The following LSM6 variants were observed in gnomAD, a reference collection of about 807,000 sequenced individuals.
The protein encoded by LSM6 is U6 snRNA-associated Sm-like protein LSm6.
LSM6 carries 2 observed loss-of-function variants against 13.5 expected under a neutral mutation model. That is an observed-to-expected ratio of 0.15 (90% confidence interval 0.06 to 0.47). The LOEUF (loss-of-function observed/expected upper bound fraction) is 0.47. Among genes scored for constraint, LSM6 ranks in the 20% least tolerant of loss-of-function variants. LSM6 has a pLI of 0.97. For missense variants in LSM6, 58 were observed against 96.4 expected (o/e 0.60, Z 1.67); for synonymous variants, 43 against 34.9 (o/e 1.23, Z -0.82).
At chr4:146,182,585 G>GTTA (rs1730254363) in intron 1 of LSM6, among the ~76,000 whole-genome samples, 1 of 152,200 alleles carries the variant, frequency 6.6e-6, no homozygotes, top group Non-Finnish European at 1.5e-5. Flanking sequence ...GGTTGTAATG[G>GTTA]GTATACTGAC....
intron 1 of LSM6, among the ~76,000 whole-genome samples, chr4:146,177,854 A>T (rs530850788): frequency 9.3e-5 from 14 of 149,802 alleles, no homozygotes; most frequent in East Asian, 2.1e-4. Context: ...GTCCCTGAGC[A>T]GGGTGGGGCA....
Position 146,191,009 on chromosome 4 carries a change from T to C in LSM6, c.*1353T>C, listed in dbSNP as rs1296681932. 2 of 152,210 alleles carry C rather than the reference T, an allele frequency of 1.3e-5. No homozygotes were observed. Among genetic ancestry groups the C allele is most frequent in the Non-Finnish European group, 2.9e-5 (2 of 68,044 alleles). 9.4% of individuals were successfully genotyped at this position (152,210 alleles called of 1,614,324 possible). ...TCAGAGAGTAATTGGAAACAATTAT[T>C]TTTTAATTAATAACTTGGGAAAGGT... On this transcript the variant is annotated 3_prime_UTR_variant, in exon 4 of 4. Transcript: ENST00000296581.
intron 2 of LSM6, among the ~76,000 whole-genome samples, chr4:146,183,870 C>CTTTTTTT (rs1206702736): frequency 8.5e-6 from 1 of 117,494 alleles, no homozygotes; most frequent in Non-Finnish European, 1.8e-5. Context: ...GGGTAATTTT[C>CTTTTTTT]TTTTTTTTTT....
In LSM6 at chr4:146,187,350, G is replaced by A. The variant is rs1730371291; in HGVS notation, c.171G>A (p.Lys57=). Residue 57 remains lysine, a synonymous_variant, in exon 3 of 4, where the codon AAG becomes AAA. Transcript: ENST00000296581. The stretch of plus-strand genomic sequence containing the variant: ...AAGAATATGTAAATGGACAACTGAA[G>A]AATAAGTATGGGGATGCATTTATCC... ...QTEEYVNGQL[K]NKYGDAFIRG... The A allele has an allele frequency of 6.2e-7, 1 of 1,613,066 alleles. No individual in the cohort carries two copies. Among genetic ancestry groups the A allele is most frequent in the Non-Finnish European group, 8.5e-7 (1 of 1,179,098 alleles).
At chr4:146,188,216 A>G (rs1182184516) in intron 3 of LSM6, among the ~76,000 whole-genome samples, 1 of 152,066 alleles carries the variant, frequency 6.6e-6, no homozygotes, top group African/African-American at 2.4e-5. Flanking sequence ...CTGGCTTTCT[A>G]GTCCTTTCTA....
chr4:146,176,717 G>A (rs1578674625), intron 1 of LSM6: 1 of 151,726 alleles, frequency 6.6e-6, no homozygotes, highest in East Asian at 1.9e-4. Context: ...TATCATTGTG[G>A]GTCCCAGTTT....
At chr4:146,187,428 C>T (rs758202400) in intron 3 of LSM6, 41 bp downstream of exon 3, 3 of 1,251,988 alleles carry the variant, frequency 2.4e-6, no homozygotes, top group East Asian at 4.7e-5. Context: ...TCAAAATAAG[C>T]CTTTCTATTT....
intron 2 of LSM6, among the ~76,000 whole-genome samples, chr4:146,184,200 GCTT>G (rs1328032888): frequency 6.6e-6 from 1 of 152,100 alleles, no homozygotes; most frequent in Non-Finnish European, 1.5e-5. Flanking sequence ...TGGTCTGCTT[GCTT>G]CTTAAAGGCC....
At chr4:146,188,930 T>C (rs1417469630) in intron 3 of LSM6, among the ~76,000 whole-genome samples, 1 of 152,098 alleles carries the variant, frequency 6.6e-6, no homozygotes, top group East Asian at 1.9e-4. Flanking sequence ...TGTTGTTTAT[T>C]CTTAATTTGA....
At position 146,189,647 on chromosome 4, in the gene LSM6, A is replaced by G; in HGVS notation, c.234A>G (p.Arg78=). 1 of 1,602,878 alleles carries G rather than the reference A, an allele frequency of 6.2e-7. No individual in the cohort carries two copies. The highest frequency in any genetic ancestry group is 1.1e-5 in the South Asian group (1 of 88,628). The change falls in exon 4 of 4, where the codon AGA becomes AGG. Residue 78 remains arginine, a synonymous_variant. Coordinates refer to ENST00000296581, the MANE Select transcript of LSM6 (RefSeq NM_007080.3). ...TGTTGTACATCAGTACACAGAAGAG[A>G]CGGATGTGAAGACACCAAGAGAGCA... ...NNVLYISTQK[R]RM
In LSM6 at chr4:146,183,120, T is replaced by C; in HGVS notation, c.94+105T>C. The C allele has an allele frequency of 7.0e-6, 5 of 718,104 alleles. No homozygotes were observed. The South Asian group carries it at 8.0e-5, about 12-fold the overall frequency. 44.5% of individuals were successfully genotyped at this position (718,104 alleles called of 1,614,324 possible). On this transcript the variant is annotated intron_variant, in intron 2 of 3. Coordinates refer to ENST00000296581, the MANE Select transcript of LSM6 (RefSeq NM_007080.3). ...TATACCCAATAGGCCAAAAAAGTAC[T>C]GGTCATCAGTAGTTTTTATGCATAT...
At chr4:146,179,738 C>T (rs1329141283) in intron 1 of LSM6, among the ~76,000 whole-genome samples, 1 of 152,122 alleles carries the variant, frequency 6.6e-6, no homozygotes, top group Non-Finnish European at 1.5e-5. Context: ...CTATGTGATG[C>T]CAAAAGTAGG....
chr4:146,178,889 G>A (rs1252797262), intron 1 of LSM6, among the ~76,000 whole-genome samples: 2 of 152,214 alleles, frequency 1.3e-5, no homozygotes, highest in African/African-American at 2.4e-5. Context: ...CTGTGAAAGG[G>A]CTTGGGCTTT....
At chr4:146,183,288 T>C in intron 2 of LSM6, 2 of 322,266 alleles carry the variant, frequency 6.2e-6, no homozygotes, top group Non-Finnish European at 1.2e-5. Context: ...TCCCTGGTAA[T>C]AGCTAGGTAT....
At chr4:146,179,633 T>A (rs1304895371) in intron 1 of LSM6, among the ~76,000 whole-genome samples, 1 of 152,214 alleles carries the variant, frequency 6.6e-6, no homozygotes, top group Non-Finnish European at 1.5e-5. Context: ...CCTCTTGTCA[T>A]GTGGCTTACA....
intron 3 of LSM6, among the ~76,000 whole-genome samples, chr4:146,188,075 A>T (rs769433800): frequency 6.6e-6 from 1 of 152,122 alleles, no homozygotes; most frequent in Non-Finnish European, 1.5e-5. Context: ...TTAATTCTGG[A>T]TGTCTTCAAC....
chr4:146,178,559 T>G (rs967236995), intron 1 of LSM6, among the ~76,000 whole-genome samples: 3 of 152,248 alleles, frequency 2.0e-5, no homozygotes, highest in Non-Finnish European at 2.9e-5. Context: ...TTGTAATGTT[T>G]CCTTGCAATT....
intron 1 of LSM6, 65 bp from the exon 2 acceptor site, chr4:146,182,847 G>A: frequency 1.1e-6 from 1 of 930,254 alleles, no homozygotes; most frequent in South Asian, 1.3e-5. Context: ...AGGGCTTTAA[G>A]GGTTTTGTTG....
intron 3 of LSM6, among the ~76,000 whole-genome samples, chr4:146,187,771 C>T (rs190125131): frequency 1.3e-5 from 2 of 152,258 alleles, no homozygotes; most frequent in East Asian, 3.9e-4. Context: ...GCAGTTCGTC[C>T]TATTTGTCCC....
Sources: allele counts gnomAD v4.1 joint callset (sites outside exome capture counted in the v4.1 genomes callset), GRCh38; gene constraint gnomAD v4.1.1; transcripts MANE v1.5; gene names NCBI Gene and HGNC (gene_info 2026-07-23, HGNC 2026-07-21).